The following DOC2B variants were observed in gnomAD, a reference collection of about 807,000 sequenced individuals.
The protein encoded by DOC2B is double C2-like domain-containing protein beta.
DOC2B carries 21 observed loss-of-function variants against 28.9 expected under a neutral mutation model. The ratio of observed to expected loss-of-function variants is 0.73; its 90% confidence interval spans 0.52 to 1.05. The LOEUF is 1.05. Ranked by LOEUF, DOC2B falls within the 50% of genes least tolerant of loss-of-function variation. The probability of loss-of-function intolerance (pLI) is 0.00; values close to 1 mark genes in which losing one functional copy is unlikely to be tolerated. For missense variants in DOC2B, 384 were observed against 421.1 expected (o/e 0.91, Z 0.77); for synonymous variants, 194 against 178.1 (o/e 1.09, Z -0.71).
intron 2 of DOC2B, 37 bp downstream of exon 2, chr17:172,499 CG>C (rs1567537712): frequency 6.5e-7 from 1 of 1,535,490 alleles, no homozygotes; most frequent in Non-Finnish European, 8.8e-7. Context: ...TTGAGGACCC[CG>C]GGGCAGGGAA....
chr17:171,986 G>GCA, intron 2 of DOC2B, among the ~76,000 whole-genome samples: 2 of 149,734 alleles, frequency 1.3e-5, no homozygotes, highest in African/African-American at 4.9e-5. Flanking sequence ...GCTGCAGAGG[G>GCA]GAGCACCAGC....
chr17:151,193 C>A (rs530075600), intron 6 of DOC2B, among the ~76,000 whole-genome samples: 1 of 152,124 alleles, frequency 6.6e-6, no homozygotes, highest in Non-Finnish European at 1.5e-5. Flanking sequence ...ATGCTTGAGC[C>A]CAGGAGTTCA....
chr17:162,048 G>T, intron 4 of DOC2B, 33 bp downstream of exon 4: 1 of 1,453,480 alleles, frequency 6.9e-7, no homozygotes, highest in Non-Finnish European at 9.5e-7. Flanking sequence ...TAGGGGTTGG[G>T]GAGGGAGCAG....
chr17:156,583 C>A (rs139867090), intron 5 of DOC2B, among the ~76,000 whole-genome samples: 5 of 152,196 alleles, frequency 3.3e-5, no homozygotes, highest in African/African-American at 1.2e-4. Flanking sequence ...TGACCCACAC[C>A]CTCCCTGTTC....
Position 181,465 on chromosome 17 carries a change from C to T in DOC2B, c.15G>A (p.Arg5=), listed in dbSNP as rs1393043493. ...TGCTGATGGTCGCCTTCTCCCCGCG[C>T]CGCCGGAGGGTCATGCAGGCAGCGC... The part of the protein sequence containing the change: MTLR[R]RGEKATISIQ... The change falls in exon 1 of 9, where the codon CGG becomes CGA. Residue 5 remains arginine (R), a synonymous_variant. Transcript: ENST00000613549. This position sits in a 1 kb window ranked among gnomAD's most constrained non-coding sequence, Gnocchi z 7.0. The T allele has an allele frequency of 2.7e-6, 3 of 1,120,408 alleles. No homozygotes were observed. The highest frequency in any genetic ancestry group is 1.5e-4 in the East Asian group (2 of 12,980). 69.4% of individuals were successfully genotyped at this position (1,120,408 alleles called of 1,614,324 possible). A position where few individuals can be genotyped will look rare whatever the true frequency, so the allele number is the denominator to read the frequency against.
chr17:179,411 A>C (rs2040409576), intron 1 of DOC2B, among the ~76,000 whole-genome samples: 1 of 152,072 alleles, frequency 6.6e-6, no homozygotes, highest in Non-Finnish European at 1.5e-5. Context: ...AAAAAAGAAA[A>C]AGAAAAAGCC....
chr17:179,193 GC>G (rs2040405048), intron 1 of DOC2B, among the ~76,000 whole-genome samples: 1 of 152,180 alleles, frequency 6.6e-6, no homozygotes, highest in African/African-American at 2.4e-5. Flanking sequence ...GTTCAAGCTG[GC>G]AAAGCTGCAT....
Position 163,646 on chromosome 17 carries a change from G to A in DOC2B, c.528+484C>T, listed in dbSNP as rs148435850. 1,522 of 154,748 alleles carry A rather than the reference G, an allele frequency of 9.8e-3. 24 individuals are homozygous for A. Among genetic ancestry groups the A allele is most frequent in the African/African-American group, 0.034 (1,410 of 41,646 alleles). 9.6% of individuals were successfully genotyped at this position (154,748 alleles called of 1,614,324 possible). The stretch of plus-strand genomic sequence containing the variant: ...GTGTGGTCGGACGCTTGGGTCATCC[G>A]GCGTAGGAATGAGGGGCAGATTCTG... On this transcript the variant is annotated intron_variant, in intron 3 of 8. Transcript: ENST00000613549.
intron 1 of DOC2B, among the ~76,000 whole-genome samples, chr17:174,110 G>C (rs540760731): frequency 6.6e-6 from 1 of 152,368 alleles, no homozygotes; most frequent in East Asian, 1.9e-4. Context: ...CACGAGTGTG[G>C]AGTGTCCTTT....
intron 5 of DOC2B, among the ~76,000 whole-genome samples, chr17:159,963 G>A (rs1271860867): frequency 6.7e-6 from 1 of 150,342 alleles, no homozygotes; most frequent in Non-Finnish European, 1.5e-5. Context: ...GAACACTAAG[G>A]CAGGGCTGGT....
At position 164,145 on chromosome 17, in the gene DOC2B, C is replaced by A. The variant is rs575266458; in HGVS notation, c.513G>T (p.Leu171=). The A allele has an allele frequency of 2.0e-5, 31 of 1,553,056 alleles. No individual in the cohort carries two copies. In the South Asian group the frequency reaches 3.3e-4, roughly 17 times the overall value. ...AACCCCTCACCTTACTGGCTCCTGGCAGCAGGTGCAGCTTGACGTAGGGGT... is the reference window on the plus strand; with the variant it reads ...AACCCCTCACCTTACTGGCTCCTGGAAGCAGGTGCAGCTTGACGTAGGGGT... ...LADPYVKLHL[L]PGASKANKLR... is the part of the protein sequence containing the mutation. Residue 171 remains leucine (L), a synonymous_variant, in exon 3 of 9, where the codon CTG becomes CTT. Coordinates refer to ENST00000613549, the MANE Select transcript of DOC2B (RefSeq NM_003585.5).
chr17:154,278 G>C (rs912903395), intron 6 of DOC2B, among the ~76,000 whole-genome samples: 1 of 148,088 alleles, frequency 6.8e-6, no homozygotes, highest in Non-Finnish European at 1.5e-5. Flanking sequence ...CTCCTTCTTA[G>C]GGCTGATATT....
Position 161,538 on chromosome 17 carries a change from G to A in DOC2B, c.642C>T (p.Ile214=). 2 of 1,551,680 alleles carry A rather than the reference G, an allele frequency of 1.3e-6. No homozygotes were observed. Among genetic ancestry groups the A allele is most frequent in the South Asian group, 2.4e-5 (2 of 84,064 alleles). ...DEDMIRKTLR[I]SVCDEDKFRH... ...GGAATTTGTCCTCGTCACACACAGA[G>A]ATCCTAGAGGGGGCGGTGGTGAGGG... is the stretch of plus-strand genomic sequence containing the variant. The change falls in exon 5 of 9, where the codon ATC becomes ATT. Residue 214 remains isoleucine (I), a synonymous_variant. Coordinates refer to ENST00000613549, the MANE Select transcript of DOC2B (RefSeq NM_003585.5).
intron 6 of DOC2B, 175 bp downstream of exon 6, chr17:156,045 T>C (rs1377598113): frequency 1.5e-6 from 1 of 648,938 alleles, no homozygotes; most frequent in Non-Finnish European, 2.5e-6. Flanking sequence ...ATCTGTGAAA[T>C]GGGCTGGCCA....
At chr17:161,811 C>T (rs1555523283) in intron 4 of DOC2B, among the ~76,000 whole-genome samples, 1 of 152,190 alleles carries the variant, frequency 6.6e-6, no homozygotes, top group East Asian at 1.9e-4. Context: ...CTGGGAGAGC[C>T]GGTTCTCTGG....
chr17:149,657 C>T (rs941248874), intron 6 of DOC2B, among the ~76,000 whole-genome samples: 11 of 152,176 alleles, frequency 7.2e-5, no homozygotes, highest in South Asian at 4.2e-4. Flanking sequence ...AGGCATGTGC[C>T]GCCATGCGCA....
chr17:177,191 AG>A (rs902882794), intron 1 of DOC2B, among the ~76,000 whole-genome samples: 26 of 152,186 alleles, frequency 1.7e-4, no homozygotes, highest in Non-Finnish European at 7.3e-5. Context: ...CAGGGGGGAC[AG>A]AGAGAAATGA....
chr17:162,311 G>A, intron 3 of DOC2B, 121 bp from the exon 4 acceptor site: 1 of 726,198 alleles, frequency 1.4e-6, no homozygotes, highest in South Asian at 1.6e-5. Context: ...ATGGCCAAGT[G>A]GACTGAGGCT....
At position 181,497 on chromosome 17, in the gene DOC2B, G is replaced by T. The variant is rs2040444045; in HGVS notation, c.-18C>A. 9.9e-7 allele frequency: 1 copy of T among 1,010,922 alleles called. No homozygotes were observed. The highest frequency in any genetic ancestry group is 1.2e-6 in the Non-Finnish European group (1 of 848,998). 62.6% of individuals were successfully genotyped at this position (1,010,922 alleles called of 1,614,324 possible). Reference sequence around the variant, plus strand: ...AGGGTCATGCAGGCAGCGCCGCCCCGCCCCGGGCGCGGCCCGGCCCGGCGC... The same window carrying T: ...AGGGTCATGCAGGCAGCGCCGCCCCTCCCCGGGCGCGGCCCGGCCCGGCGC... On this transcript the variant is annotated 5_prime_UTR_variant, in exon 1 of 9. Coordinates refer to ENST00000613549, the MANE Select transcript of DOC2B (RefSeq NM_003585.5). The surrounding 1 kb of genome is among the most constrained non-coding windows in gnomAD (Gnocchi z 7.0).
Sources: gnomAD v4.1 joint callset for allele counts (sites outside exome capture counted in the v4.1 genomes callset) on GRCh38, gnomAD v4.1.1 for gene constraint, Gnocchi (gnomAD v3.1) non-coding constraint, MANE v1.5 for transcripts, NCBI Gene and HGNC (gene_info 2026-07-23, HGNC 2026-07-21) for gene names.